MTFR1: variants seen among roughly 807,000 people sequenced by gnomAD.
MTFR1 encodes the protein mitochondrial fission regulator 1, also known as chondrocyte protein with a poly-proline region.
A neutral mutation model predicts 38.8 loss-of-function variants in MTFR1; 28 were observed. The ratio of observed to expected loss-of-function variants is 0.72; its 90% CI spans 0.53 to 0.99. MTFR1 has a LOEUF of 0.99. Ranked by LOEUF, MTFR1 falls within the 50% of genes least tolerant of loss-of-function variation. MTFR1 has a pLI of 0.00. For synonymous variants in MTFR1, 145 were observed against 137.0 expected, an observed-to-expected ratio of 1.06 and a Z score of -0.41; for missense variants, 358 against 395.5, an observed-to-expected ratio of 0.91 and a Z score of 0.81.
chr8:65,710,988 T>TAC (rs68005266), downstream of MTFR1, among the ~76,000 whole-genome samples: 1 of 147,910 alleles, frequency 6.8e-6, no homozygotes, highest in South Asian at 2.1e-4. Flanking sequence ...CATATATATA[T>TAC]ATAGAGAGAG....
chr8:65,709,948 G>C lies in MTFR1; in HGVS notation c.*904G>C, dbSNP rs559455469. On this transcript the variant is annotated 3_prime_UTR_variant, in exon 8 of 8. Transcript: ENST00000262146. ...TTAATGAAACATTGACTTGGCAAAT[G>C]AATTTCCTATAAATTATCATTGGTC... 3 of 152,626 alleles carry C rather than the reference G, an allele frequency of 2.0e-5. No homozygotes were observed. Among genetic ancestry groups the C allele is most frequent in the Non-Finnish European group, 4.4e-5 (3 of 68,014 alleles). The allele number at this position is 152,626 out of a possible 1,614,324, so 9.5% of individuals were successfully genotyped here.
intron 3 of MTFR1, among the ~76,000 whole-genome samples, chr8:65,737,592 C>G (rs190157650): frequency 1.1e-3 from 163 of 152,262 alleles, no homozygotes; most frequent in Non-Finnish European, 2.0e-3. Flanking sequence ...CTCTCTCTCT[C>G]AATCTCACCT....
At chr8:65,655,958 A>ATATGTATATATG (rs1281595799) in intron 1 of MTFR1, among the ~76,000 whole-genome samples, 2 of 37,890 alleles carry the variant, frequency 5.3e-5, no homozygotes, top group Non-Finnish European at 9.5e-5. Flanking sequence ...AAAAATATAT[A>ATATGTATATATG]TATATATATA....
At chr8:65,757,352 A>G (rs996524671) in intron 3 of MTFR1, among the ~76,000 whole-genome samples, 1 of 152,254 alleles carries the variant, frequency 6.6e-6, no homozygotes, top group African/African-American at 2.4e-5. Flanking sequence ...ATAATACCAC[A>G]GGTCATCCCC....
At chr8:65,702,524 T>G (rs930872316) in intron 4 of MTFR1, among the ~76,000 whole-genome samples, 1 of 152,120 alleles carries the variant, frequency 6.6e-6, no homozygotes, top group African/African-American at 2.4e-5. Flanking sequence ...GGTCTTGAAC[T>G]CCTGACCTCA....
At chr8:65,645,354 T>C (rs1044931325) in intron 1 of MTFR1, among the ~76,000 whole-genome samples, 2 of 152,226 alleles carry the variant, frequency 1.3e-5, no homozygotes, top group African/African-American at 2.4e-5. Flanking sequence ...CTTCTGACCA[T>C]GACCAGGGTT....
chr8:65,742,671 TATATA>T (rs1444363202), intron 3 of MTFR1, among the ~76,000 whole-genome samples: 1 of 152,220 alleles, frequency 6.6e-6, no homozygotes, highest in East Asian at 1.9e-4. Flanking sequence ...CCATTCTCAT[TATATA>T]ATATAAGCTA....
downstream of MTFR1, among the ~76,000 whole-genome samples, chr8:65,711,439 T>A (rs1805942452): frequency 6.6e-6 from 1 of 152,208 alleles, no homozygotes; most frequent in Non-Finnish European, 1.5e-5. Flanking sequence ...TGGGATAGAA[T>A]CTGGCAGACA....
intron 3 of MTFR1, among the ~76,000 whole-genome samples, chr8:65,737,579 A>ACT (rs1318529073): frequency 6.6e-6 from 1 of 150,978 alleles, no homozygotes; most frequent in East Asian, 1.9e-4. Context: ...ATCTCGGCTC[A>ACT]CTCTCTCTCT....
intron 3 of MTFR1, among the ~76,000 whole-genome samples, chr8:65,766,715 ATT>A (rs1401673313): frequency 1.3e-5 from 2 of 152,120 alleles, no homozygotes; most frequent in African/African-American, 2.4e-5. Context: ...CCCATTGCTC[ATT>A]GTTATTAAGT....
intron 3 of MTFR1, among the ~76,000 whole-genome samples, chr8:65,726,106 T>A (rs1286912604): frequency 1.3e-5 from 2 of 152,190 alleles, no homozygotes; most frequent in Non-Finnish European, 2.9e-5. Context: ...GAACTTAAAT[T>A]TTAATACTCA....
chr8:65,707,075 C>T lies in MTFR1; in HGVS notation c.583C>T (p.Pro195Ser). 6.2e-7 allele frequency: 1 copy of T among 1,610,216 alleles called. No homozygotes were observed. The highest frequency in any genetic ancestry group is 8.5e-7 in the Non-Finnish European group (1 of 1,177,310). The change falls in exon 6 of 8, where the codon CCT (proline) becomes TCT (serine). Residue 195 changes from proline to serine, a missense_variant. Transcript: ENST00000262146. Reference sequence around the variant, plus strand: ...CCCTCCACCTCCCCCACCGCCCCTGCCTCCCCCTGCACTGGGGCTCCACCA... The same window carrying T: ...CCCTCCACCTCCCCCACCGCCCCTGTCTCCCCCTGCACTGGGGCTCCACCA... ...PHPPPPPPPL[P>S]PPALGLHQST...
chr8:65,746,896 C>T (rs145423827), intron 3 of MTFR1, among the ~76,000 whole-genome samples: 37 of 152,176 alleles, frequency 2.4e-4, no homozygotes, highest in Non-Finnish European at 4.3e-4. Context: ...AACTTAAAAA[C>T]TTATCTACAC....
At chr8:65,644,058 C>T (rs1339320884), upstream of MTFR1, among the ~76,000 whole-genome samples, 4 of 152,190 alleles carry the variant, frequency 2.6e-5, no homozygotes, top group Non-Finnish European at 5.9e-5. Context: ...ACATAGGAAT[C>T]TTTCATCACG....
At chr8:65,737,799 G>T (rs553901644) in intron 3 of MTFR1, among the ~76,000 whole-genome samples, 2 of 152,164 alleles carry the variant, frequency 1.3e-5, no homozygotes, top group Non-Finnish European at 2.9e-5. Context: ...GATTACAGGC[G>T]TGAGCCACCA....
chr8:65,745,543 GAAGTT>G, intron 3 of MTFR1: 1 of 806,852 alleles, frequency 1.2e-6, no homozygotes. Flanking sequence ...ATTCCATAGA[GAAGTT>G]AAAGAAAATG....
intron 3 of MTFR1, among the ~76,000 whole-genome samples, chr8:65,758,812 A>G (rs927765025): frequency 6.6e-6 from 1 of 152,132 alleles, no homozygotes; most frequent in African/African-American, 2.4e-5. Flanking sequence ...TGCATCTTCC[A>G]CAAGTAAGCA....
At chr8:65,756,234 CAG>C (rs1808235193) in intron 3 of MTFR1, among the ~76,000 whole-genome samples, 1 of 152,198 alleles carries the variant, frequency 6.6e-6, no homozygotes, top group African/African-American at 2.4e-5. Flanking sequence ...TAGTGTGTCT[CAG>C]TGTGGATTTC....
intron 2 of MTFR1, 62 bp from the exon 3 acceptor site, chr8:65,682,291 G>A (rs1585773317): frequency 1.2e-5 from 9 of 765,308 alleles, no homozygotes; most frequent in East Asian, 3.0e-5. Context: ...ATTGTCTAAT[G>A]CTTTGTCTTA....
Sources: gnomAD v4.1 joint callset for allele counts (sites outside exome capture counted in the v4.1 genomes callset) on GRCh38, gnomAD v4.1.1 for gene constraint, MANE v1.5 for transcripts, NCBI Gene and HGNC (gene_info 2026-07-23, HGNC 2026-07-21) for gene names.